Variants in VPS8 observed in about 807,000 individuals in gnomAD.
VPS8 encodes VPS8 subunit of CORVET complex.
In VPS8, 129 loss-of-function variants were observed where a neutral mutation model predicts 216.4. That is an observed-to-expected ratio of 0.60 (90% CI 0.52 to 0.69). The LOEUF is 0.69. Among genes scored for constraint, VPS8 ranks in the 30% least tolerant of loss-of-function variants. The probability of loss-of-function intolerance (pLI) is 0.00; values close to 1 mark genes in which losing one functional copy is unlikely to be tolerated. For missense variants in VPS8, 1,531 were observed against 1,683.5 expected (o/e 0.91, Z 1.59); for synonymous variants, 571 against 565.4 (o/e 1.01, Z -0.14).
At chr3:185,008,342 A>G (rs943511759) in intron 45 of VPS8, among the ~76,000 whole-genome samples, 1 of 152,188 alleles carries the variant, frequency 6.6e-6, no homozygotes, top group African/African-American at 2.4e-5. Context: ...TTTAATGTAT[A>G]CCTGCATTGA....
intron 36 of VPS8, among the ~76,000 whole-genome samples, chr3:184,940,745 T>C (rs1019988779): frequency 1.8e-4 from 27 of 152,362 alleles, no homozygotes; most frequent in African/African-American, 6.5e-4. Flanking sequence ...CAACAGCTAC[T>C]CTGATGTTTA....
At chr3:184,835,132 CTGAA>C (rs1720789755) in intron 5 of VPS8, among the ~76,000 whole-genome samples, 1 of 144,286 alleles carries the variant, frequency 6.9e-6, no homozygotes, top group Non-Finnish European at 1.5e-5. Flanking sequence ...TCTTTTACAA[CTGAA>C]TGATTTTTTT....
At chr3:184,815,971 A>G (rs775385961) in intron 1 of VPS8, 1 of 152,196 alleles carries the variant, frequency 6.6e-6, no homozygotes, top group South Asian at 2.1e-4. Context: ...TCTTTTGCGC[A>G]TTTAACTTAC....
intron 45 of VPS8, among the ~76,000 whole-genome samples, chr3:185,016,675 C>T (rs1326909246): frequency 6.6e-6 from 1 of 152,156 alleles, no homozygotes; most frequent in Admixed American, 6.5e-5. Flanking sequence ...GTAATGTCCC[C>T]ATTGGTTGTA....
Position 184,832,746 on chromosome 3 carries a change from A to G in VPS8, c.280A>G (p.Thr94Ala), listed in dbSNP as rs757945901. The change falls in exon 4 of 48, where the codon ACT becomes GCT. Residue 94 changes from threonine (T) to alanine (A), a missense_variant. Thr to Ala is a moderately conservative substitution (Grantham distance 58, BLOSUM62 0). Coordinates refer to ENST00000625842, the MANE Select transcript of VPS8 (RefSeq NM_001009921.3). ...LEDPTLLNID[T>A]IDSHSYDTSS... ...GGATCCTACATTGTTAAACATTGAT[A>G]CTATTGATTCTCACTCCTATGATAC... 9.3e-6 allele frequency: 15 copies of G among 1,608,604 alleles called. No individual in the cohort carries two copies. In the East Asian group the frequency reaches 2.9e-4, roughly 31 times the overall value.
intron 5 of VPS8, chr3:184,836,472 A>T (rs1296324722): frequency 5.7e-6 from 2 of 351,842 alleles, no homozygotes; most frequent in Non-Finnish European, 1.1e-5. Context: ...TAAATCTGTT[A>T]TTTAAAAGGA....
intron 45 of VPS8, among the ~76,000 whole-genome samples, chr3:185,002,308 T>G (rs900269527): frequency 5.3e-5 from 8 of 152,214 alleles, no homozygotes; most frequent in Middle Eastern, 3.2e-3. Flanking sequence ...TGTAAAATTT[T>G]GAAAGCCATT....
intron 46 of VPS8, among the ~76,000 whole-genome samples, chr3:185,036,303 C>T (rs192965499): frequency 6.6e-6 from 1 of 152,204 alleles, no homozygotes; most frequent in Admixed American, 6.5e-5. Flanking sequence ...TGAATAGCCA[C>T]AGCAATGCTA....
intron 45 of VPS8, among the ~76,000 whole-genome samples, chr3:185,017,136 A>G (rs1054660982): frequency 1.2e-4 from 18 of 152,204 alleles, no homozygotes; most frequent in African/African-American, 4.3e-4. Flanking sequence ...CTATAAACTT[A>G]TAGGTACAGA....
rs774174468 is a variant in VPS8, at chr3:184,870,742, A to G, written c.1671A>G (p.Ala557=). The change falls in exon 21 of 48, where the codon GCA becomes GCG. Residue 557 remains alanine (A), a synonymous_variant. Transcript: ENST00000625842. ...DRMVEILFHY[A]DRALKKCPDQ... ...TGGTAGAAATCCTATTCCATTATGC[A>G]GATCGAGCTCTGAAAAAGTGCCCAG... 2 of 1,612,438 alleles carry G rather than the reference A, an allele frequency of 1.2e-6. No individual in the cohort carries two copies. Among genetic ancestry groups the G allele is most frequent in the Non-Finnish European group, 1.7e-6 (2 of 1,179,168 alleles).
intron 36 of VPS8, chr3:184,944,420 C>T: frequency 1.3e-6 from 1 of 765,256 alleles, no homozygotes; most frequent in Non-Finnish European, 1.6e-6. Flanking sequence ...CCCGACTCTA[C>T]CCCCATCCCC....
chr3:184,905,431 A>G (rs1341921443), intron 25 of VPS8, among the ~76,000 whole-genome samples: 1 of 152,146 alleles, frequency 6.6e-6, no homozygotes, highest in East Asian at 1.9e-4. Context: ...CTGTAAGGTC[A>G]GTAGTGATGT....
intron 40 of VPS8, among the ~76,000 whole-genome samples, chr3:184,982,200 A>G (rs1236561384): frequency 2.6e-5 from 4 of 152,156 alleles, no homozygotes; most frequent in Admixed American, 2.6e-4. Flanking sequence ...TGTCAGTGAT[A>G]AATTTTTAAT....
chr3:184,899,756 A>C (rs1190062408), intron 24 of VPS8, among the ~76,000 whole-genome samples: 2 of 152,188 alleles, frequency 1.3e-5, no homozygotes, highest in Admixed American at 6.5e-5. Flanking sequence ...GTTTTGCTCA[A>C]AATAATCCCT....
chr3:184,885,587 T>G (rs1731061065), intron 21 of VPS8, among the ~76,000 whole-genome samples: 1 of 152,198 alleles, frequency 6.6e-6, no homozygotes, highest in Non-Finnish European at 1.5e-5. Context: ...ACCAACTGTA[T>G]CCCGTTATCA....
At chr3:184,875,996 A>C (rs1453673689) in intron 21 of VPS8, among the ~76,000 whole-genome samples, 1 of 151,874 alleles carries the variant, frequency 6.6e-6, no homozygotes, top group African/African-American at 2.4e-5. Flanking sequence ...TCTCAAAAAA[A>C]AAAAAAAGAG....
chr3:184,825,565 T>A (rs1718579652), intron 2 of VPS8, among the ~76,000 whole-genome samples: 1 of 152,220 alleles, frequency 6.6e-6, no homozygotes, highest in African/African-American at 2.4e-5. Flanking sequence ...TGTTGTTTTG[T>A]CATGTTTAAG....
intron 5 of VPS8, chr3:184,836,280 C>T (rs1721072043): frequency 2.2e-6 from 1 of 456,706 alleles, no homozygotes; most frequent in Middle Eastern, 3.3e-4. Flanking sequence ...AGAATGGGAA[C>T]CACCTGTTGA....
At chr3:184,858,224 G>T (rs1725639665) in intron 14 of VPS8, among the ~76,000 whole-genome samples, 1 of 152,156 alleles carries the variant, frequency 6.6e-6, no homozygotes, top group Non-Finnish European at 1.5e-5. Context: ...AGGATATAGA[G>T]TGTGTACTTA....
Sources: gnomAD v4.1 joint callset for allele counts (sites outside exome capture counted in the v4.1 genomes callset) on GRCh38, gnomAD v4.1.1 for gene constraint, MANE v1.5 for transcripts, NCBI Gene and HGNC (gene_info 2026-07-23, HGNC 2026-07-21) for gene names.